HNF4G: variants seen among roughly 807,000 people sequenced by gnomAD.
HNF4G encodes the protein hepatocyte nuclear factor 4-gamma.
HNF4G carries 21 observed loss-of-function variants against 50.9 expected under a neutral mutation model. That is an observed-to-expected ratio of 0.41 (90% CI 0.29 to 0.59). HNF4G has a LOEUF of 0.59. HNF4G is among the 20% of genes least tolerant of loss of function. HNF4G has a pLI of 0.26. For synonymous variants in HNF4G, 198 were observed against 185.6 expected (o/e 1.07, Z -0.54); for missense variants, 527 against 559.4 (o/e 0.94, Z 0.58).
At chr8:75,516,494 A>G (rs1414537283) in intron 2 of HNF4G, among the ~76,000 whole-genome samples, 1 of 152,032 alleles carries the variant, frequency 6.6e-6, no homozygotes, top group Admixed American at 6.6e-5. Flanking sequence ...AATAGGGTTC[A>G]TCTTCTTGAA....
intron 2 of HNF4G, among the ~76,000 whole-genome samples, chr8:75,528,000 A>C (rs533487531): frequency 6.6e-6 from 1 of 152,342 alleles, no homozygotes; most frequent in South Asian, 2.1e-4. Flanking sequence ...TCTTGAATAA[A>C]GCCTTTAAAC....
intron 1 of HNF4G, among the ~76,000 whole-genome samples, chr8:75,481,538 T>A (rs1812378677): frequency 6.6e-6 from 1 of 152,178 alleles, no homozygotes. Context: ...TTAGGGTTGC[T>A]ATGTACTTGA....
At chr8:75,540,882 T>TGTGTG (rs1806601765) in intron 1 of HNF4G, among the ~76,000 whole-genome samples, 1 of 151,412 alleles carries the variant, frequency 6.6e-6, no homozygotes, top group African/African-American at 2.4e-5. Flanking sequence ...TGTGTGTGTG[T>TGTGTG]TTAATGCAAG....
upstream of HNF4G, among the ~76,000 whole-genome samples, chr8:75,536,070 A>G (rs1186697154): frequency 6.6e-6 from 1 of 151,862 alleles, no homozygotes; most frequent in Non-Finnish European, 1.5e-5. Context: ...GGAGTGTTTG[A>G]CCTAACTAGA....
At position 75,558,860 on chromosome 8, in the gene HNF4G, G is replaced by A. The variant is rs183146707; in HGVS notation, c.946G>A (p.Gly316Ser). Residue 316 changes from glycine (G) to serine (S), a missense_variant, in exon 8 of 10, where the codon GGT (glycine) becomes AGT (serine). Physicochemically the swap from Gly to Ser is moderately conservative, Grantham distance 56. Around this residue, in one of 5 missense-constraint regions of HNF4G, gnomAD observed 308 missense variants for 301.5 expected, o/e 1.02. Coordinates refer to ENST00000396423, the MANE Select transcript of HNF4G (RefSeq NM_004133.5). Reference protein sequence around the residue: ...IKNMRFQVQIGLEDYINDRQY... With the variant: ...IKNMRFQVQISLEDYINDRQY... ...GAACATGAGGTTCCAAGTGCAGATC[G>A]GTTTGGAGGACTACATCAATGATCG... 3 of 1,614,030 alleles carry A rather than the reference G, an allele frequency of 1.9e-6. No homozygotes were observed. Among genetic ancestry groups the A allele is most frequent in the East Asian group, 2.2e-5 (1 of 44,860 alleles).
intron 1 of HNF4G, among the ~76,000 whole-genome samples, chr8:75,451,931 CATGGAAG>C (rs1305053607): frequency 6.6e-6 from 1 of 152,142 alleles, no homozygotes; most frequent in African/African-American, 2.4e-5. Flanking sequence ...AAGGAGTGAG[CATGGAAG>C]ATTTCATGCA....
chr8:75,420,059 C>G (rs1424973184), intron 1 of HNF4G, among the ~76,000 whole-genome samples: 1 of 151,904 alleles, frequency 6.6e-6, no homozygotes, highest in Admixed American at 6.6e-5. Context: ...GATATCAGAA[C>G]TAGGTTAAAA....
chr8:75,509,738 A>T lies in HNF4G; in HGVS notation c.-24+19530A>T, dbSNP rs555378388. ...AAAAGTTCCTATGGTTAATGATGTCATAGCTGTTATAATGTCATGGGGCAA... is the reference window on the plus strand; with the variant it reads ...AAAAGTTCCTATGGTTAATGATGTCTTAGCTGTTATAATGTCATGGGGCAA... On this transcript the variant is annotated intron_variant, in intron 2 of 10. Coordinates refer to the HNF4G transcript ENST00000354370. Among the ~76,000 whole-genome samples the T allele has an allele frequency of 4.6e-5, 7 of 152,290 alleles. No individual in the cohort carries two copies. The East Asian group carries it at 1.3e-3, about 29-fold the overall frequency.
At chr8:75,441,336 C>T (rs1285550310) in intron 1 of HNF4G, among the ~76,000 whole-genome samples, 4 of 151,858 alleles carry the variant, frequency 2.6e-5, no homozygotes, top group Non-Finnish European at 5.9e-5. Context: ...ACCTCCGTCT[C>T]CCAGGCTCAA....
upstream of HNF4G, among the ~76,000 whole-genome samples, chr8:75,536,102 C>T (rs558962663): frequency 6.9e-4 from 105 of 151,862 alleles, no homozygotes; most frequent in African/African-American, 2.4e-3. Flanking sequence ...ACATCTTAGC[C>T]TACAAAACAT....
At chr8:75,479,768 A>T (rs1215547251) in intron 1 of HNF4G, among the ~76,000 whole-genome samples, 2 of 152,140 alleles carry the variant, frequency 1.3e-5, no homozygotes, top group Admixed American at 1.3e-4. Context: ...AAATATGAAA[A>T]AAAAAGAACA....
At chr8:75,503,637 A>G (rs1050146620) in intron 2 of HNF4G, among the ~76,000 whole-genome samples, 6 of 152,244 alleles carry the variant, frequency 3.9e-5, no homozygotes, top group Non-Finnish European at 2.9e-5. Flanking sequence ...GAGCTGAATC[A>G]GTGTTGTACC....
intron 4 of HNF4G, among the ~76,000 whole-genome samples, chr8:75,552,097 A>G (rs1188578461): frequency 6.6e-6 from 1 of 152,224 alleles, no homozygotes; most frequent in Non-Finnish European, 1.5e-5. Context: ...TTACTTTAGC[A>G]TTGCCCTTAT....
Position 75,564,458 on chromosome 8 carries a change from C to A in HNF4G, c.*362C>A, listed in dbSNP as rs116190863. 1,072 of 155,948 alleles carry A rather than the reference C, an allele frequency of 6.9e-3. 18 individuals carry two copies. The highest frequency in any genetic ancestry group is 0.024 in the African/African-American group (1,009 of 41,714). 9.7% of individuals were successfully genotyped at this position (155,948 alleles called of 1,614,324 possible). A position where few individuals can be genotyped will look rare whatever the true frequency, so the allele number is the denominator to read the frequency against. On this transcript the variant is annotated 3_prime_UTR_variant, in exon 10 of 10. Coordinates refer to ENST00000396423, the MANE Select transcript of HNF4G (RefSeq NM_004133.5). ...GTGATGTGATACAGAACAAAGTGTT[C>A]GTTTTTGACTGAAAATAGTAGATCA...
chr8:75,560,693 T>C (rs1176226276), intron 9 of HNF4G, among the ~76,000 whole-genome samples: 1 of 152,114 alleles, frequency 6.6e-6, no homozygotes, highest in Non-Finnish European at 1.5e-5. Context: ...ACTTCATAGG[T>C]CTGGGGAGCA....
At chr8:75,439,297 C>G (rs1585843680) in intron 1 of HNF4G, among the ~76,000 whole-genome samples, 1 of 151,924 alleles carries the variant, frequency 6.6e-6, no homozygotes, top group African/African-American at 2.4e-5. Flanking sequence ...ATTTTCAAAT[C>G]TCCATCCATA....
intron 2 of HNF4G, among the ~76,000 whole-genome samples, chr8:75,519,623 G>C (rs541935536): frequency 6.6e-6 from 1 of 152,150 alleles, no homozygotes; most frequent in Non-Finnish European, 1.5e-5. Flanking sequence ...AGAACAGCAT[G>C]GGAAAGACCA....
intron 2 of HNF4G, among the ~76,000 whole-genome samples, chr8:75,531,197 A>G (rs1200719139): frequency 6.6e-6 from 1 of 152,208 alleles, no homozygotes; most frequent in Non-Finnish European, 1.5e-5. Flanking sequence ...TTTTGTAGTA[A>G]AGGAATAAAG....
intron 1 of HNF4G, among the ~76,000 whole-genome samples, chr8:75,461,205 G>T (rs949784911): frequency 1.3e-5 from 2 of 152,112 alleles, no homozygotes; most frequent in African/African-American, 4.8e-5. Flanking sequence ...TACAAAAGGG[G>T]TTTTACTGGG....
Sources: allele counts gnomAD v4.1 joint callset (sites outside exome capture counted in the v4.1 genomes callset), GRCh38; gene constraint gnomAD v4.1.1; regional missense constraint gnomAD v4.1.1; transcripts MANE v1.5; gene names NCBI Gene and HGNC (gene_info 2026-07-23, HGNC 2026-07-21).